The following MARCHF8 variants were observed in gnomAD, a reference collection of about 807,000 sequenced individuals.
MARCHF8 encodes E3 ubiquitin-protein ligase MARCHF8.
A neutral mutation model predicts 51.6 loss-of-function variants in MARCHF8; 40 were observed. The observed-to-expected ratio is 0.77, with a 90% confidence interval of 0.60 to 1.01. The LOEUF (loss-of-function observed/expected upper bound fraction) is 1.01, where lower values mean the gene tolerates loss of function less well. Among genes scored for constraint, MARCHF8 ranks in the 50% least tolerant of loss-of-function variants. The pLI is 0.00. For synonymous variants in MARCHF8, 263 were observed against 280.3 expected (o/e 0.94, Z 0.62); for missense variants, 685 against 708.6 (o/e 0.97, Z 0.38).
At chr10:45,583,718 A>G (rs2044580249) in intron 1 of MARCHF8, among the ~76,000 whole-genome samples, 1 of 152,194 alleles carries the variant, frequency 6.6e-6, no homozygotes, top group African/African-American at 2.4e-5. Context: ...GTATAACTAG[A>G]TGAGACTTTT....
chr10:45,467,597 T>C (rs943580607), intron 3 of MARCHF8, among the ~76,000 whole-genome samples: 1 of 152,130 alleles, frequency 6.6e-6, no homozygotes, highest in Non-Finnish European at 1.5e-5. Flanking sequence ...AAATAATGGT[T>C]CCATGGTCAG....
chr10:45,585,696 A>G (rs1485762315), intron 1 of MARCHF8, among the ~76,000 whole-genome samples: 2 of 152,212 alleles, frequency 1.3e-5, no homozygotes, highest in Non-Finnish European at 2.9e-5. Context: ...GTGATTACAG[A>G]ATAACAGCAC....
chr10:45,495,784 A>G (rs1589120226), intron 2 of MARCHF8, among the ~76,000 whole-genome samples: 1 of 112,130 alleles, frequency 8.9e-6, no homozygotes, highest in African/African-American at 3.4e-5. Context: ...AGGGGAGGGG[A>G]GGGAGACAGG....
intron 1 of MARCHF8, among the ~76,000 whole-genome samples, chr10:45,542,031 CTTAT>C (rs2044059793): frequency 6.6e-6 from 1 of 152,114 alleles, no homozygotes; most frequent in Non-Finnish European, 1.5e-5. Flanking sequence ...CCTTTCTTTA[CTTAT>C]TTAACACTAA....
chr10:45,557,296 C>T (rs9422656), intron 1 of MARCHF8, among the ~76,000 whole-genome samples: 53,883 of 151,110 alleles, frequency 0.36, 10,095 homozygotes, highest in African/African-American at 0.48. Context: ...GCCTGGCTAA[C>T]TTTTCTATTT....
At chr10:45,557,980 T>C (rs563194495) in intron 1 of MARCHF8, among the ~76,000 whole-genome samples, 1 of 152,328 alleles carries the variant, frequency 6.6e-6, no homozygotes, top group African/African-American at 2.4e-5. Context: ...AATAACTTAG[T>C]ATATTATGTA....
At chr10:45,585,004 C>T (rs1030978636) in intron 1 of MARCHF8, among the ~76,000 whole-genome samples, 4 of 152,166 alleles carry the variant, frequency 2.6e-5, no homozygotes, top group Non-Finnish European at 5.9e-5. Flanking sequence ...TCTCCAGAGC[C>T]TCCAGAAAAG....
At chr10:45,486,518 T>A (rs1313584549) in intron 3 of MARCHF8, among the ~76,000 whole-genome samples, 1 of 152,012 alleles carries the variant, frequency 6.6e-6, no homozygotes, top group Non-Finnish European at 1.5e-5. Context: ...GAGCCAAGAT[T>A]GCACCACGGC....
At chr10:45,528,517 T>C (rs936002074) in intron 2 of MARCHF8, among the ~76,000 whole-genome samples, 10 of 152,200 alleles carry the variant, frequency 6.6e-5, no homozygotes, top group African/African-American at 2.2e-4. Flanking sequence ...TGGAGCACAG[T>C]GGCGCAGTCA....
At chr10:45,521,523 T>C (rs61854118) in intron 2 of MARCHF8, among the ~76,000 whole-genome samples, 1 of 151,682 alleles carries the variant, frequency 6.6e-6, no homozygotes, top group African/African-American at 2.4e-5. Flanking sequence ...TCGTTAAAAC[T>C]GCCCATGCTT....
chr10:45,588,719 C>T (rs772461696), intron 1 of MARCHF8, among the ~76,000 whole-genome samples: 10 of 152,046 alleles, frequency 6.6e-5, no homozygotes. Flanking sequence ...CCATTATAGG[C>T]CGGGTGCAGT....
In MARCHF8 at chr10:45,459,311, G is replaced by C. The variant is rs773860347; in HGVS notation, c.1270-44C>G. On this transcript the variant is annotated intron_variant, in intron 6 of 7. Transcript: ENST00000453424. ...GTGTGAGGCTCAGGCTTCTGGGGAAGGGCTCCGGTGGGGTGAGAGCATTGT... is the reference window on the plus strand; with the variant it reads ...GTGTGAGGCTCAGGCTTCTGGGGAACGGCTCCGGTGGGGTGAGAGCATTGT... 12 of 1,601,584 alleles carry C rather than the reference G, an allele frequency of 7.5e-6. 1 individual carries two copies. The Admixed American group carries it at 1.9e-4, about 25-fold the overall frequency.
intron 2 of MARCHF8, among the ~76,000 whole-genome samples, chr10:45,514,318 G>A (rs1334952810): frequency 6.6e-6 from 1 of 152,232 alleles, no homozygotes; most frequent in Non-Finnish European, 1.5e-5. Context: ...ACAGCTGACA[G>A]GGCACGTCTC....
intron 3 of MARCHF8, among the ~76,000 whole-genome samples, chr10:45,486,480 C>T (rs1183075366): frequency 6.6e-6 from 1 of 152,118 alleles, no homozygotes; most frequent in Admixed American, 6.5e-5. Flanking sequence ...AGGAGAATTG[C>T]TTAAATCCAG....
At chr10:45,500,861 C>CTA (rs151117367) in intron 2 of MARCHF8, among the ~76,000 whole-genome samples, 29 of 150,280 alleles carry the variant, frequency 1.9e-4, no homozygotes, top group South Asian at 6.3e-4. Flanking sequence ...AACTGCATTG[C>CTA]TATATATATA....
intron 1 of MARCHF8, among the ~76,000 whole-genome samples, chr10:45,554,713 A>C (rs951935373): frequency 6.6e-6 from 1 of 152,114 alleles, no homozygotes; most frequent in Admixed American, 6.5e-5. Flanking sequence ...GGAGGTCGGG[A>C]ATTCGAGACC....
chr10:45,485,577 T>C (rs2042965027), intron 3 of MARCHF8, among the ~76,000 whole-genome samples: 1 of 152,228 alleles, frequency 6.6e-6, no homozygotes, highest in Admixed American at 6.5e-5. Flanking sequence ...ACCTACCTGC[T>C]TCCTTCTTTG....
chr10:45,463,764 T>C lies in MARCHF8; in HGVS notation c.475A>G (p.Asn159Asp), dbSNP rs1322437265. Residue 159 changes from asparagine to aspartate, a missense_variant, in exon 5 of 8, where the codon AAT becomes GAT. By Grantham distance (23) the Asn-to-Asp change is conservative. Coordinates refer to ENST00000453424, the MANE Select transcript of MARCHF8 (RefSeq NM_001282866.2). ...RRTLKFSRSL[N>D]DVGEKAQDTS... Reference sequence around the variant, plus strand: ...TCCTGCGCCTTCTCACCCACATCATTGAGGGACCTTGAGAACTTTAGTGTT... The same window carrying C: ...TCCTGCGCCTTCTCACCCACATCATCGAGGGACCTTGAGAACTTTAGTGTT... The C allele has an allele frequency of 6.4e-7, 1 of 1,551,006 alleles. No homozygotes were observed. The highest frequency in any genetic ancestry group is 8.7e-7 in the Non-Finnish European group (1 of 1,147,144).
intron 3 of MARCHF8, among the ~76,000 whole-genome samples, chr10:45,485,291 A>G (rs1167064871): frequency 6.6e-6 from 1 of 152,224 alleles, no homozygotes; most frequent in African/African-American, 2.4e-5. Flanking sequence ...CGATCCTGAA[A>G]AATAAAAGGA....
Sources: allele counts gnomAD v4.1 joint callset (sites outside exome capture counted in the v4.1 genomes callset), GRCh38; gene constraint gnomAD v4.1.1; transcripts MANE v1.5; gene names NCBI Gene and HGNC (gene_info 2026-07-23, HGNC 2026-07-21).